ROBO2: variants seen among roughly 807,000 people sequenced by gnomAD.
The protein encoded by ROBO2 is roundabout homolog 2.
Under a neutral mutation model 160.8 loss-of-function variants are expected in ROBO2, and 53 were observed. The observed-to-expected ratio is 0.33, with a 90% CI of 0.26 to 0.41. ROBO2 has a LOEUF of 0.41. Ranked by LOEUF, ROBO2 falls within the 10% of genes least tolerant of loss-of-function variation. The pLI, the probability that ROBO2 is intolerant of heterozygous loss-of-function variation, is 1.00. For missense variants in ROBO2, 1,577 were observed against 1,722.4 expected (o/e 0.92, Z 1.49); for synonymous variants, 664 against 611.7 (o/e 1.09, Z -1.26).
At chr3:76,058,589 C>CTTTTTTTTTTTTTTTT (rs10676074) in intron 2 of ROBO2, among the ~76,000 whole-genome samples, 2 of 48,860 alleles carry the variant, frequency 4.1e-5, no homozygotes, top group Non-Finnish European at 6.8e-5. Flanking sequence ...ACAGCAGAAA[C>CTTTTTTTTTTTTTTTT]TTTTTTTTTT....
chr3:76,697,503 C>T (rs1236682064), intron 2 of ROBO2, among the ~76,000 whole-genome samples: 4 of 151,972 alleles, frequency 2.6e-5, no homozygotes, highest in African/African-American at 4.8e-5. Flanking sequence ...AAGAATTAGC[C>T]GGGCATGGTG....
chr3:76,051,996 C>A (rs2067671504), intron 2 of ROBO2, among the ~76,000 whole-genome samples: 1 of 151,962 alleles, frequency 6.6e-6, no homozygotes, highest in Admixed American at 6.6e-5. Context: ...TTCCCTTTAA[C>A]AATTTTTATG....
At chr3:77,425,891 G>T (rs1456673016) in intron 2 of ROBO2, among the ~76,000 whole-genome samples, 2 of 151,950 alleles carry the variant, frequency 1.3e-5, no homozygotes, top group East Asian at 3.9e-4. Flanking sequence ...TCGAACTCCT[G>T]ATCTCAAATA....
chr3:77,142,759 A>C (rs1468716921), intron 2 of ROBO2, among the ~76,000 whole-genome samples: 1 of 152,134 alleles, frequency 6.6e-6, no homozygotes, highest in Non-Finnish European at 1.5e-5. Flanking sequence ...GCTTGCTACA[A>C]GGGGAGGAGA....
chr3:76,164,548 C>T (rs73844508), intron 2 of ROBO2, among the ~76,000 whole-genome samples: 2,715 of 152,174 alleles, frequency 0.018, 93 homozygotes, highest in African/African-American at 0.061. Flanking sequence ...GTGAAAACAA[C>T]GTTAATATCC....
chr3:77,195,068 G>A (rs1269415581), intron 2 of ROBO2, among the ~76,000 whole-genome samples: 1 of 152,090 alleles, frequency 6.6e-6, no homozygotes, highest in Admixed American at 6.5e-5. Flanking sequence ...TGAGAGAAAT[G>A]TGGTGTTGCT....
chr3:77,396,134 A>G (rs1469723485), intron 2 of ROBO2, among the ~76,000 whole-genome samples: 1 of 151,376 alleles, frequency 6.6e-6, no homozygotes. Flanking sequence ...TAAAATTCTG[A>G]GGATTATTAT....
At chr3:77,616,802 AT>A (rs1199089293) in intron 21 of ROBO2, among the ~76,000 whole-genome samples, 3 of 152,210 alleles carry the variant, frequency 2.0e-5, no homozygotes, top group Admixed American at 6.5e-5. Context: ...CCCTAAAAAA[AT>A]ATGGTTTTAA....
At chr3:76,443,667 C>A (rs1262033613) in intron 2 of ROBO2, among the ~76,000 whole-genome samples, 2 of 152,078 alleles carry the variant, frequency 1.3e-5, no homozygotes. Context: ...CAGCTTCAGT[C>A]CAATTTTTTT....
intron 2 of ROBO2, among the ~76,000 whole-genome samples, chr3:76,109,412 C>T (rs2070113047): frequency 6.6e-6 from 1 of 152,036 alleles, no homozygotes; most frequent in Non-Finnish European, 1.5e-5. Flanking sequence ...TCAGGTACCA[C>T]TACTACTAAT....
At chr3:76,388,258 G>A (rs895292614) in intron 2 of ROBO2, among the ~76,000 whole-genome samples, 8 of 151,310 alleles carry the variant, frequency 5.3e-5, no homozygotes, top group African/African-American at 1.7e-4. Context: ...TTTAGTGATT[G>A]TAAATTTACC....
chr3:77,605,568 C>G (rs1166660052), intron 20 of ROBO2, among the ~76,000 whole-genome samples: 2 of 152,068 alleles, frequency 1.3e-5, no homozygotes, highest in Non-Finnish European at 2.9e-5. Flanking sequence ...TATGAATCAC[C>G]CGTTTCCCAA....
chr3:76,561,166 T>C (rs564203484), intron 2 of ROBO2, among the ~76,000 whole-genome samples: 14 of 151,836 alleles, frequency 9.2e-5, no homozygotes, highest in African/African-American at 3.4e-4. Flanking sequence ...CTTAACTAGA[T>C]AACGTATATT....
chr3:77,222,695 A>G (rs1038803046), intron 2 of ROBO2, among the ~76,000 whole-genome samples: 3 of 152,208 alleles, frequency 2.0e-5, no homozygotes, highest in African/African-American at 7.2e-5. Context: ...ATGTGTTTAA[A>G]GCATTTCTTT....
chr3:76,852,924 A>T (rs1218214604), intron 2 of ROBO2, among the ~76,000 whole-genome samples: 1 of 152,126 alleles, frequency 6.6e-6, no homozygotes, highest in Non-Finnish European at 1.5e-5. Context: ...TTAAGAAAAT[A>T]TACATAATTG....
At chr3:77,084,345 G>A in intron 1 of ROBO2, among the ~76,000 whole-genome samples, 1 of 151,932 alleles carries the variant, frequency 6.6e-6, no homozygotes, top group East Asian at 1.9e-4. Flanking sequence ...TTCAGTTGCT[G>A]GTTGTTTATA....
At chr3:77,049,514 C>T (rs1482851225) in intron 1 of ROBO2, among the ~76,000 whole-genome samples, 1 of 152,184 alleles carries the variant, frequency 6.6e-6, no homozygotes, top group Non-Finnish European at 1.5e-5. Flanking sequence ...TTCACATCCA[C>T]TCTCATTCAT....
intron 2 of ROBO2, among the ~76,000 whole-genome samples, chr3:77,233,344 A>G (rs938388582): frequency 1.3e-5 from 2 of 152,102 alleles, no homozygotes; most frequent in Non-Finnish European, 2.9e-5. Context: ...TTTTGTCTTC[A>G]GCAGTTCTGT....
intron 2 of ROBO2, among the ~76,000 whole-genome samples, chr3:76,500,539 AC>A (rs1407911558): frequency 1.3e-4 from 20 of 152,228 alleles, no homozygotes; most frequent in Admixed American, 1.3e-3. Context: ...AACAAAGTCA[AC>A]ACAGAAGCTC....
Sources: allele counts gnomAD v4.1 joint callset (sites outside exome capture counted in the v4.1 genomes callset), GRCh38; gene constraint gnomAD v4.1.1; transcripts MANE v1.5; gene names NCBI Gene and HGNC (gene_info 2026-07-23, HGNC 2026-07-21).